BTK: variants seen among roughly 807,000 people sequenced by gnomAD.
The protein encoded by BTK is tyrosine-protein kinase BTK.
Under a neutral mutation model 57.4 loss-of-function variants are expected in BTK, and 5 were observed. That is an observed-to-expected ratio of 0.09 (90% CI 0.05 to 0.18). BTK has a LOEUF of 0.18. Among genes scored for constraint, BTK ranks in the 10% least tolerant of loss-of-function variants. The probability of loss-of-function intolerance (pLI) is 1.00; values close to 1 mark genes in which losing one functional copy is unlikely to be tolerated. For synonymous variants in BTK, 154 were observed against 174.3 expected (o/e 0.88, Z 0.92); for missense variants, 194 against 501.2 (o/e 0.39, Z 5.85).
At position 101,358,537 on chromosome X, in the gene BTK, G is replaced by A; in HGVS notation, c.974+80C>T. ...TTTGAGTTTCAGAGACAGAGGAAGT[G>A]GGACGGGCACAGCATCAAGGAGCTA... is the stretch of plus-strand genomic sequence containing the variant. On this transcript the variant is annotated intron_variant, in intron 11 of 18. Transcript: ENST00000308731. 5 of 1,176,806 alleles carry A rather than the reference G, an allele frequency of 4.2e-6. No individual in the cohort carries two copies. The South Asian group carries it at 8.9e-5, about 21-fold the overall frequency.
Position 101,375,192 on chromosome X carries a change from G to T in BTK, c.93C>A (p.Leu31=). ...AGTAGGAGAGTTTGTGCACGGTCAA[G>T]AGAAACAGGCGCTTCTTGAAGTTTA... ...SPLNFKKRLF[L]LTVHKLSYYE... is the part of the protein sequence containing the mutation. Residue 31 remains leucine (L), a synonymous_variant, in exon 2 of 19, where the codon CTC becomes CTA. Transcript: ENST00000308731. The T allele has an allele frequency of 8.3e-7, 1 of 1,211,748 alleles. No homozygotes were observed. The highest frequency in any genetic ancestry group is 2.3e-4 in the Middle Eastern group (1 of 4,356).
chrX:101,359,513 G>T (rs550765464), intron 9 of BTK, among the ~76,000 whole-genome samples, 166 bp from the exon 10 acceptor site: 4 of 111,750 alleles, frequency 3.6e-5, no homozygotes, highest in African/African-American at 1.3e-4. Flanking sequence ...CCCAAACCCA[G>T]GTTGGCATTG....
rs782650885 is a variant in BTK, at chrX:101,354,119, A to G, written c.1632-131T>C. On this transcript the variant is annotated intron_variant, in intron 16 of 18. Coordinates refer to ENST00000308731, the MANE Select transcript of BTK (RefSeq NM_000061.3). ...CAAAAGTCTCTCCTCCTCAACTAGT[A>G]TCTTCTACAAACGTTACTTTTAACG... 94 of 529,630 alleles carry G rather than the reference A, an allele frequency of 1.8e-4. No individual in the cohort carries two copies. In the South Asian group the frequency reaches 2.4e-3, roughly 14 times the overall value. 43.6% of individuals were successfully genotyped at this position (529,630 alleles called of 1,213,427 possible).
chrX:101,369,291 C>T (rs1386302753), intron 5 of BTK, among the ~76,000 whole-genome samples: 1 of 112,281 alleles, frequency 8.9e-6, no homozygotes, highest in Non-Finnish European at 1.9e-5. Context: ...TTGATCCTTA[C>T]AACAACCCCA....
chrX:101,385,482 C>T (rs1193326440), intron 1 of BTK, among the ~76,000 whole-genome samples: 1 of 112,267 alleles, frequency 8.9e-6, no homozygotes, highest in Non-Finnish European at 1.9e-5. Flanking sequence ...ACAGCTTCCA[C>T]ACAGTCCTTT....
At chrX:101,367,637 AAAATAAATAAAT>A (rs60295371) in intron 5 of BTK, among the ~76,000 whole-genome samples, 8,586 of 102,117 alleles carry the variant, frequency 0.084, 382 homozygotes, top group South Asian at 0.11. Flanking sequence ...ACTCCATCTC[AAAATAAATAAAT>A]AAATAAATAA....
At position 101,378,634 on chromosome X, in the gene BTK, A is replaced by G. The variant is rs371375792; in HGVS notation, c.-30-3320T>C. On this transcript the variant is annotated intron_variant, in intron 1 of 18. Coordinates refer to ENST00000308731, the MANE Select transcript of BTK (RefSeq NM_000061.3). ...AGACACAGAGCTCTTCATTTAAAAT[A>G]TGGAGTTCCAGTGTTACAATGTCCC... 7.5e-4 allele frequency among the ~76,000 whole-genome samples: 83 copies of G among 111,224 alleles called. 1 individual carries two copies. Among genetic ancestry groups the G allele is most frequent in the African/African-American group, 2.5e-3 (78 of 30,605 alleles).
Position 101,367,637 on chromosome X carries a change from AAAATAAATAAATAAAT to A in BTK, c.391+2345_391+2360del, listed in dbSNP as rs60295371. Among the ~76,000 whole-genome samples, 602 of 102,206 alleles carry A rather than the reference AAAATAAATAAATAAAT, an allele frequency of 5.9e-3. 7 individuals are homozygous for A. The highest frequency in any genetic ancestry group is 0.018 in the African/African-American group (475 of 27,124). 88.8% of individuals were successfully genotyped at this position (102,206 alleles called of 115,157 possible). A position where few individuals can be genotyped will look rare whatever the true frequency, so the allele number is the denominator to read the frequency against. ...GGTGACAAGAGCGAAACTCCATCTC[AAAATAAATAAATAAAT>A]AAATAAATAAATAAATAAATAAATA... On this transcript the variant is annotated intron_variant, in intron 5 of 18. Transcript: ENST00000308731.
At chrX:101,357,880 G>A (rs1205282196) in intron 12 of BTK, among the ~76,000 whole-genome samples, 1 of 111,932 alleles carries the variant, frequency 8.9e-6, no homozygotes, top group East Asian at 2.8e-4. Context: ...CCATATCCAT[G>A]CCCTCACTAA....
chrX:101,378,797 G>T (rs1211057972), intron 1 of BTK, among the ~76,000 whole-genome samples: 6 of 111,484 alleles, frequency 5.4e-5, no homozygotes, highest in African/African-American at 2.0e-4. Flanking sequence ...AGTATGCCAA[G>T]GAATTAATAG....
rs188541211 is a variant in BTK, at chrX:101,372,489, C to G, written c.241-788G>C. Reference sequence around the variant, plus strand: ...TTGAGACGGAGTCTTGCTCTGTCGTCCAGCCTGGATGTGCAGTGGTGCGAT... The same window carrying G: ...TTGAGACGGAGTCTTGCTCTGTCGTGCAGCCTGGATGTGCAGTGGTGCGAT... On this transcript the variant is annotated intron_variant, in intron 3 of 18. Transcript: ENST00000308731. Among the ~76,000 whole-genome samples, 21 of 109,719 alleles carry G rather than the reference C, an allele frequency of 1.9e-4. No homozygotes were observed. In the East Asian group the frequency reaches 6.2e-3, roughly 32 times the overall value.
intron 18 of BTK, among the ~76,000 whole-genome samples, chrX:101,350,672 C>A (rs1555976902): frequency 9.0e-6 from 1 of 110,694 alleles, no homozygotes; most frequent in East Asian, 2.8e-4. Flanking sequence ...GTCTCGAATT[C>A]CTGACCTAAG....
chrX:101,382,054 GA>G (rs201230956), intron 1 of BTK, among the ~76,000 whole-genome samples: 1,246 of 104,167 alleles, frequency 0.012, 24 homozygotes, highest in African/African-American at 0.042. Context: ...AAAGAAAAAA[GA>G]AAAAAAAATC....
intron 16 of BTK, chrX:101,354,332 G>A (rs781783418): frequency 3.2e-5 from 13 of 410,003 alleles, no homozygotes; most frequent in Non-Finnish European, 5.5e-5. Flanking sequence ...AAGAAAGAAG[G>A]AGGAATGGAG....
chrX:101,382,421 G>A (rs1927477072), intron 1 of BTK, among the ~76,000 whole-genome samples: 1 of 110,426 alleles, frequency 9.1e-6, no homozygotes, highest in African/African-American at 3.3e-5. Context: ...CTACCTCCCA[G>A]TTTCAAGCAA....
At chrX:101,380,698 T>C (rs1224249589) in intron 1 of BTK, among the ~76,000 whole-genome samples, 1 of 111,227 alleles carries the variant, frequency 9.0e-6, no homozygotes, top group Non-Finnish European at 1.9e-5. Flanking sequence ...AAAAGATATA[T>C]AGTATTGGTT....
Position 101,353,906 on chromosome X carries a change from T to C in BTK, c.1714A>G (p.Ser572Gly). 8.3e-7 allele frequency: 1 copy of C among 1,211,911 alleles called. No individual in the cohort carries two copies. The highest frequency in any genetic ancestry group is 1.8e-5 in the South Asian group (1 of 57,047). Residue 572 changes from serine (S) to glycine (G), a missense_variant, in exon 17 of 19, where the codon AGC becomes GGC. Physicochemically the swap from Ser to Gly is moderately conservative, Grantham distance 56. Coordinates refer to ENST00000308731, the MANE Select transcript of BTK (RefSeq NM_000061.3). ...ATGTCAGATTTGCTGCTGAACTTGC[T>C]ATACATCAGGACTTCCGGTGGGGAC... ...RWSPPEVLMY[S>G]KFSSKSDIWA... is the part of the protein sequence containing the mutation.
chrX:101,379,180 TAA>T (rs56368552), intron 1 of BTK, among the ~76,000 whole-genome samples: 16,105 of 87,574 alleles, frequency 0.18, 1,218 homozygotes, highest in Admixed American at 0.27. Flanking sequence ...AAAATAAAAA[TAA>T]AAAAAAAAAA....
intron 1 of BTK, among the ~76,000 whole-genome samples, chrX:101,375,896 G>T (rs1312922981): frequency 9.0e-6 from 1 of 111,533 alleles, no homozygotes; most frequent in African/African-American, 3.3e-5. Flanking sequence ...AACTGATTTT[G>T]CCCACACCCA....
Sources: gnomAD v4.1 joint callset for allele counts (sites outside exome capture counted in the v4.1 genomes callset) on GRCh38, gnomAD v4.1.1 for gene constraint, MANE v1.5 for transcripts, NCBI Gene and HGNC (gene_info 2026-07-23, HGNC 2026-07-21) for gene names.